The following EPHA4 variants were observed in gnomAD, a reference collection of about 807,000 sequenced individuals.
EPHA4 encodes the protein ephrin type-A receptor 4.
In EPHA4, 19 loss-of-function variants were observed where a neutral mutation model predicts 108.3. That is an observed-to-expected ratio of 0.18 (90% CI 0.12 to 0.26). EPHA4 has a LOEUF of 0.26. Among genes scored for constraint, EPHA4 ranks in the 10% least tolerant of loss-of-function variants. The pLI is 1.00. For synonymous variants in EPHA4, 449 were observed against 455.5 expected, an observed-to-expected ratio of 0.99 and a Z score of 0.18; for missense variants, 917 against 1,254.0, an observed-to-expected ratio of 0.73 and a Z score of 4.06.
intron 3 of EPHA4, among the ~76,000 whole-genome samples, chr2:221,517,783 CA>C (rs1447404015): frequency 6.6e-6 from 1 of 152,188 alleles, no homozygotes; most frequent in Non-Finnish European, 1.5e-5. Context: ...TCAAGAATGC[CA>C]CCCGCATGTG....
At position 221,534,917 on chromosome 2, in the gene EPHA4, A is replaced by G. The variant is rs149802726; in HGVS notation, c.823+28814T>C. Among the ~76,000 whole-genome samples the G allele has an allele frequency of 3.3e-3, 506 of 152,338 alleles. 1 individual carries two copies. Among genetic ancestry groups the G allele is most frequent in the Non-Finnish European group, 6.2e-3 (421 of 68,030 alleles). On this transcript the variant is annotated intron_variant, in intron 3 of 17. Coordinates refer to ENST00000281821, the MANE Select transcript of EPHA4 (RefSeq NM_004438.5). Reference sequence around the variant, plus strand: ...TTTGTTGACCAGAAAGCATATATTCACAGCATCCAATCTAAGCATATGTGC... The same window carrying G: ...TTTGTTGACCAGAAAGCATATATTCGCAGCATCCAATCTAAGCATATGTGC...
At chr2:221,501,717 T>C (rs1008962929) in intron 3 of EPHA4, among the ~76,000 whole-genome samples, 3 of 152,054 alleles carry the variant, frequency 2.0e-5, no homozygotes, top group African/African-American at 7.2e-5. Context: ...TGTATCCAAG[T>C]GCTGACAAAA....
intron 4 of EPHA4, among the ~76,000 whole-genome samples, chr2:221,500,726 C>T (rs540985012): frequency 6.6e-6 from 1 of 152,282 alleles, no homozygotes; most frequent in Non-Finnish European, 1.5e-5. Flanking sequence ...GGCAAAGCCA[C>T]TAATAAATTC....
Position 221,571,838 on chromosome 2 carries a change from T to G in EPHA4, c.91+320A>C, listed in dbSNP as rs966833745. On this transcript the variant is annotated intron_variant, in intron 1 of 17. Coordinates refer to ENST00000281821, the MANE Select transcript of EPHA4 (RefSeq NM_004438.5). This position sits in a 1 kb window ranked among gnomAD's most constrained non-coding sequence, Gnocchi z 6.3. ...GACGTGGTTCTTGTAATTTTTTTTT[T>G]AAATCCCGGCGTTGTCTCCCGTGCA... is the stretch of plus-strand genomic sequence containing the variant. 2.0e-5 allele frequency among the ~76,000 whole-genome samples: 3 copies of G among 152,228 alleles called. No individual in the cohort carries two copies. The highest frequency in any genetic ancestry group is 1.3e-4 in the Admixed American group (2 of 15,304).
intron 3 of EPHA4, among the ~76,000 whole-genome samples, chr2:221,505,230 C>A (rs1316207108): frequency 6.6e-6 from 1 of 152,138 alleles, no homozygotes; most frequent in Non-Finnish European, 1.5e-5. Flanking sequence ...AGTAAAACAT[C>A]ACTAATAATT....
intron 4 of EPHA4, among the ~76,000 whole-genome samples, chr2:221,499,731 TATATATATATATATATATATATATA>T (rs1559267549): frequency 3.0e-4 from 13 of 44,030 alleles, no homozygotes; most frequent in South Asian, 7.9e-4. Flanking sequence ...TATATATATA[TATATATATATATATATATATATATA>T]TTTTTTTTTT....
intron 13 of EPHA4, 24 bp downstream of exon 13, chr2:221,436,375 C>T (rs765041380): frequency 6.2e-7 from 1 of 1,607,588 alleles, no homozygotes; most frequent in Non-Finnish European, 8.5e-7. Context: ...GAGTGAAAGC[C>T]CAGATGTCAC....
chr2:221,497,306 C>G (rs1415861241), intron 4 of EPHA4, among the ~76,000 whole-genome samples: 1 of 152,156 alleles, frequency 6.6e-6, no homozygotes, highest in Non-Finnish European at 1.5e-5. Flanking sequence ...AGGGTAAACT[C>G]TCTCTGAATA....
At position 221,430,049 on chromosome 2, in the gene EPHA4, C is replaced by T. The variant is rs745528063; in HGVS notation, c.2599G>A (p.Asp867Asn). ...MLDCWQKERSDRPKFGQIVNM... is the reference protein window; with the variant it reads ...MLDCWQKERSNRPKFGQIVNM... ...ACAATCTGCCCAAATTTAGGCCTGT[C>T]GCTCCTCTCCTTCTGCCAGCAGTCT... Residue 867 changes from aspartate to asparagine, a missense_variant, in exon 15 of 18, where the codon GAC (aspartate) becomes AAC (asparagine). Asp to Asn is a conservative substitution (Grantham distance 23). This residue lies in a region of EPHA4 where 133 missense variants were observed against 132.8 expected (regional missense o/e 1.00). Coordinates refer to ENST00000281821, the MANE Select transcript of EPHA4 (RefSeq NM_004438.5). The T allele has an allele frequency of 1.9e-5, 30 of 1,613,936 alleles. No individual in the cohort carries two copies. The highest frequency in any genetic ancestry group is 9.9e-5 in the South Asian group (9 of 91,074).
intron 3 of EPHA4, among the ~76,000 whole-genome samples, chr2:221,550,418 G>GGAGAGAGAGAGAGAGA (rs71406572): frequency 2.2e-5 from 3 of 135,666 alleles, no homozygotes; most frequent in Non-Finnish European, 1.6e-5. Context: ...TGAGGAAAGG[G>GGAGAGAGAGAGAGAGA]GAGAGAGAGA....
At position 221,515,707 on chromosome 2, in the gene EPHA4, C is replaced by T. The variant is rs576118006; in HGVS notation, c.824-14535G>A. The stretch of plus-strand genomic sequence containing the variant: ...TGGCATGCACCTGTAGTCCCAGCTA[C>T]TGGGGAGGCTGAGGTGGGAGGATCC... On this transcript the variant is annotated intron_variant, in intron 3 of 17. Transcript: ENST00000281821. Among the ~76,000 whole-genome samples the T allele has an allele frequency of 9.2e-5, 14 of 152,166 alleles. No homozygotes were observed. The East Asian group carries it at 2.3e-3, about 25-fold the overall frequency.
At chr2:221,566,951 A>G (rs200402394) in intron 2 of EPHA4, among the ~76,000 whole-genome samples, 990 of 48,572 alleles carry the variant, frequency 0.02, 236 homozygotes, top group Middle Eastern at 0.048. Flanking sequence ...AAGGAGAAGG[A>G]GAAGGGGAAG....
rs1274927444 is a variant in EPHA4 at position 221,421,093 on chromosome 2, T to G, written c.*820-541A>C. 2.0e-5 allele frequency among the ~76,000 whole-genome samples: 3 copies of G among 151,986 alleles called. No homozygotes were observed. The South Asian group carries it at 6.2e-4, about 32-fold the overall frequency. Reference sequence around the variant, plus strand: ...TGGGCGGATCACGAGGTCAGGAGATTGAGACCATCCTGGCTAACGTGGTGA... The same window carrying G: ...TGGGCGGATCACGAGGTCAGGAGATGGAGACCATCCTGGCTAACGTGGTGA... On this transcript the variant is annotated intron_variant, in intron 17 of 17. Coordinates refer to ENST00000281821, the MANE Select transcript of EPHA4 (RefSeq NM_004438.5).
chr2:221,476,540 T>C (rs1450295858), intron 5 of EPHA4, among the ~76,000 whole-genome samples: 1 of 152,260 alleles, frequency 6.6e-6, no homozygotes, highest in African/African-American at 2.4e-5. Context: ...TAGTCTGACA[T>C]TTGTAATTTT....
intron 5 of EPHA4, among the ~76,000 whole-genome samples, chr2:221,463,043 C>T (rs1691197335): frequency 6.6e-6 from 1 of 152,170 alleles, no homozygotes; most frequent in South Asian, 2.1e-4. Context: ...AAGCCAGTCA[C>T]TGCCAGCAGA....
intron 4 of EPHA4, among the ~76,000 whole-genome samples, chr2:221,496,159 G>T (rs1463160330): frequency 3.9e-5 from 6 of 152,094 alleles, no homozygotes; most frequent in Admixed American, 3.9e-4. Flanking sequence ...TTACTCTGTG[G>T]ATCATCTGAA....
intron 3 of EPHA4, among the ~76,000 whole-genome samples, chr2:221,505,783 C>A (rs1281818572): frequency 6.6e-6 from 1 of 152,134 alleles, no homozygotes; most frequent in Non-Finnish European, 1.5e-5. Flanking sequence ...ACGCAGGGTG[C>A]TGAAAGTGAA....
intron 3 of EPHA4, among the ~76,000 whole-genome samples, chr2:221,543,028 C>T (rs566441345): frequency 6.6e-6 from 1 of 152,200 alleles, no homozygotes; most frequent in Admixed American, 6.5e-5. Context: ...TGCTCTTTCT[C>T]GTTATGTTTG....
intron 9 of EPHA4, among the ~76,000 whole-genome samples, chr2:221,444,728 C>T (rs1690534192): frequency 6.8e-6 from 1 of 147,162 alleles, no homozygotes; most frequent in South Asian, 2.2e-4. Flanking sequence ...TTCCCAGTCC[C>T]TCTCTTTTTT....
Sources: allele counts gnomAD v4.1 joint callset (sites outside exome capture counted in the v4.1 genomes callset), GRCh38; gene constraint gnomAD v4.1.1; regional missense constraint gnomAD v4.1.1; non-coding constraint Gnocchi (gnomAD v3.1); transcripts MANE v1.5; gene names NCBI Gene and HGNC (gene_info 2026-07-23, HGNC 2026-07-21).